The following BUD13 variants were observed in gnomAD, a reference collection of about 807,000 sequenced individuals.
BUD13 encodes BUD13 homolog.
In BUD13, 47 loss-of-function variants were observed where a neutral mutation model predicts 62.5. That is an observed-to-expected ratio of 0.75 (90% CI 0.60 to 0.96). BUD13 has a LOEUF of 0.96. BUD13 is among the 40% of genes least tolerant of loss of function. The pLI is 0.00. For synonymous variants in BUD13, 293 were observed against 280.1 expected (o/e 1.05, Z -0.46); for missense variants, 821 against 790.9 (o/e 1.04, Z -0.46).
intron 9 of BUD13, among the ~76,000 whole-genome samples, chr11:116,749,901 T>C (rs1202820912): frequency 2.0e-5 from 3 of 152,062 alleles, no homozygotes; most frequent in South Asian, 4.2e-4. Flanking sequence ...CAGCACTAAT[T>C]GATTAGGTAC....
chr11:116,754,134 C>G (rs1200915705), intron 9 of BUD13, among the ~76,000 whole-genome samples: 1 of 152,232 alleles, frequency 6.6e-6, no homozygotes, highest in Non-Finnish European at 1.5e-5. Flanking sequence ...CAGCCTCGAC[C>G]TCCCTGGGCT....
intron 1 of BUD13, among the ~76,000 whole-genome samples, chr11:116,772,098 C>G (rs1940640656): frequency 6.6e-6 from 1 of 151,034 alleles, no homozygotes; most frequent in African/African-American, 2.4e-5. Flanking sequence ...AAAAGGCAAA[C>G]AGTCATCTTG....
chr11:116,769,489 C>T (rs1940585413), intron 2 of BUD13, among the ~76,000 whole-genome samples: 1 of 152,118 alleles, frequency 6.6e-6, no homozygotes. Flanking sequence ...ATAAAAAGTT[C>T]CCTATAACTG....
At chr11:116,759,240 G>T in intron 5 of BUD13, 61 bp from the exon 6 acceptor site, 1 of 1,164,272 alleles carries the variant, frequency 8.6e-7, no homozygotes, top group Non-Finnish European at 1.3e-6. Context: ...AGGCTCCATG[G>T]GTACACAGTT....
In BUD13 at chr11:116,759,232, G is replaced by C; in HGVS notation, c.1255-53C>G. 4 of 1,295,228 alleles carry C rather than the reference G, an allele frequency of 3.1e-6. No homozygotes were observed. In the South Asian group the frequency reaches 4.8e-5, roughly 15 times the overall value. 80.2% of individuals were successfully genotyped at this position (1,295,228 alleles called of 1,614,324 possible). ...CATTAATGAGATGATGTGACAGTAG[G>C]CTCCATGGGTACACAGTTAGTTGCA... is the stretch of plus-strand genomic sequence containing the variant. On this transcript the variant is annotated intron_variant, in intron 5 of 9. Coordinates refer to ENST00000260210, the MANE Select transcript of BUD13 (RefSeq NM_032725.4).
chr11:116,762,766 C>A lies in BUD13; in HGVS notation c.823G>T (p.Ala275Ser), dbSNP rs770190638. 1 of 1,614,128 alleles carries A rather than the reference C, an allele frequency of 6.2e-7. No homozygotes were observed. Among genetic ancestry groups the A allele is most frequent in the Non-Finnish European group, 8.5e-7 (1 of 1,180,016 alleles). Residue 275 changes from alanine (A) to serine (S), a missense_variant, in exon 4 of 10, where the codon GCT becomes TCT. Ala to Ser is a moderately conservative substitution (Grantham distance 99). Around this residue, in one of 2 missense-constraint regions of BUD13, gnomAD observed 800 missense variants for 739.2 expected, o/e 1.08. Transcript: ENST00000260210. ...GGCAGGGAATAAGTGACATTAGGAG[C>A]CAAATCAGGGGAGTCATGACGGGCC... Reference protein sequence around the residue: ...RRARHDSPDLAPNVTYSLPRT... With the variant: ...RRARHDSPDLSPNVTYSLPRT...
intron 1 of BUD13, among the ~76,000 whole-genome samples, chr11:116,772,238 C>T (rs766569282): frequency 1.3e-5 from 2 of 152,134 alleles, no homozygotes; most frequent in African/African-American, 2.4e-5. Flanking sequence ...TACACTGGGC[C>T]ACAAAGTTGT....
intron 4 of BUD13, among the ~76,000 whole-genome samples, chr11:116,761,528 C>T (rs192399403): frequency 6.6e-6 from 1 of 152,308 alleles, no homozygotes; most frequent in East Asian, 1.9e-4. Context: ...ATATGGCATT[C>T]TATTCCCAAG....
chr11:116,770,545 A>G (rs1056356904), intron 1 of BUD13, among the ~76,000 whole-genome samples: 1 of 148,204 alleles, frequency 6.7e-6, no homozygotes, highest in Admixed American at 6.8e-5. Context: ...CCCAGGCTGG[A>G]GTGCAGTGGC....
intron 9 of BUD13, 96 bp downstream of exon 9, chr11:116,757,050 G>T: frequency 1.7e-6 from 2 of 1,199,088 alleles, no homozygotes; most frequent in Non-Finnish European, 2.4e-6. Context: ...TTCACCTTGT[G>T]ATTAAAGCAG....
At position 116,759,086 on chromosome 11, in the gene BUD13, T is replaced by G; in HGVS notation, c.1348A>C (p.Met450Leu). 1 of 1,613,728 alleles carries G rather than the reference T, an allele frequency of 6.2e-7. No individual in the cohort carries two copies. The highest frequency in any genetic ancestry group is 8.5e-7 in the Non-Finnish European group (1 of 1,179,816). ...QELKEQDQET[M>L]AFEAEFQYAE... is the part of the protein sequence containing the mutation. ...TTCATATTTTTACCTTCAAATGCCA[T>G]GGTTTCTTGATCCTGTTCCTTGAGC... Residue 450 changes from methionine to leucine, a missense_variant, in exon 6 of 10, where the codon ATG becomes CTG. Physicochemically the swap from Met to Leu is conservative, Grantham distance 15. This residue lies in a region of BUD13 where 800 missense variants were observed against 739.2 expected (regional missense o/e 1.08). Coordinates refer to ENST00000260210, the MANE Select transcript of BUD13 (RefSeq NM_032725.4).
chr11:116,761,521 T>C (rs561133681), intron 4 of BUD13, among the ~76,000 whole-genome samples: 9 of 152,296 alleles, frequency 5.9e-5, no homozygotes, highest in African/African-American at 2.2e-4. Context: ...AGGTAGAATA[T>C]GGCATTCTAT....
intron 9 of BUD13, among the ~76,000 whole-genome samples, chr11:116,748,816 TC>T (rs987051371): frequency 5.3e-5 from 8 of 151,748 alleles, no homozygotes; most frequent in African/African-American, 1.9e-4. Flanking sequence ...TGAAACCCTG[TC>T]TCTACTAACA....
In BUD13 at chr11:116,762,832, T is replaced by A; in HGVS notation, c.757A>T (p.Arg253Trp). 1 of 1,613,912 alleles carries A rather than the reference T, an allele frequency of 6.2e-7. No homozygotes were observed. The highest frequency in any genetic ancestry group is 8.5e-7 in the Non-Finnish European group (1 of 1,179,964). The change falls in exon 4 of 10, where the codon AGG (arginine) becomes TGG (tryptophan). Residue 253 changes from arginine (R) to tryptophan (W), a missense_variant. Around this residue, in one of 2 missense-constraint regions of BUD13, gnomAD observed 800 missense variants for 739.2 expected, o/e 1.08. Coordinates refer to ENST00000260210, the MANE Select transcript of BUD13 (RefSeq NM_032725.4). ...RVHNNSPDTS[R>W]RTLGSSDTQQ... Reference sequence around the variant, plus strand: ...GTGTCTGAAGAGCCAAGAGTCCTCCTAGATGTGTCAGGGGAGTTGTTATGG... The same window carrying A: ...GTGTCTGAAGAGCCAAGAGTCCTCCAAGATGTGTCAGGGGAGTTGTTATGG...
chr11:116,770,702 G>A (rs1468305687), intron 1 of BUD13, among the ~76,000 whole-genome samples: 1 of 151,932 alleles, frequency 6.6e-6, no homozygotes, highest in Non-Finnish European at 1.5e-5. Flanking sequence ...CACCGTGTTA[G>A]TCAGGATGGT....
intron 9 of BUD13, among the ~76,000 whole-genome samples, chr11:116,751,367 G>A (rs902432756): frequency 2.6e-5 from 4 of 152,140 alleles, no homozygotes; most frequent in East Asian, 3.9e-4. Flanking sequence ...GGTGGCTCAC[G>A]CCTGTAATCC....
rs749819717 is a variant in BUD13 at position 116,772,885 on chromosome 11, C to A, written c.80G>T (p.Gly27Val). The A allele has an allele frequency of 2.5e-6, 4 of 1,590,706 alleles. No homozygotes were observed. The highest frequency in any genetic ancestry group is 1.1e-5 in the South Asian group (1 of 88,462). The change falls in exon 1 of 10, where the codon GGA (glycine) becomes GTA (valine). Residue 27 changes from glycine to valine, a missense_variant. Gly to Val is a moderately radical substitution (Grantham distance 109). Transcript: ENST00000260210. ...GCGACGCTTGCGACCGGACTCAGAT[C>A]CCCGGTCGACGCCGGCATCTGCCCC... ...LSGADAGVDR[G>V]SESGRKRRKK... is the part of the protein sequence containing the mutation.
At chr11:116,772,675 A>T (rs1003310030) in intron 1 of BUD13, 147 bp downstream of exon 1, 5 of 1,155,914 alleles carry the variant, frequency 4.3e-6, no homozygotes, top group Admixed American at 7.2e-5. Context: ...GCCTCAAGCG[A>T]TGTGAGTGGG....
intron 9 of BUD13, among the ~76,000 whole-genome samples, chr11:116,753,776 A>T (rs980723560): frequency 6.6e-6 from 1 of 152,226 alleles, no homozygotes; most frequent in African/African-American, 2.4e-5. Context: ...TCAGCAGAGA[A>T]ATGTAAGCTA....
Sources: allele counts gnomAD v4.1 joint callset (sites outside exome capture counted in the v4.1 genomes callset), GRCh38; gene constraint gnomAD v4.1.1; regional missense constraint gnomAD v4.1.1; transcripts MANE v1.5; gene names NCBI Gene and HGNC (gene_info 2026-07-23, HGNC 2026-07-21).